DNAH10: variants seen among roughly 807,000 people sequenced by gnomAD.
DNAH10 encodes dynein axonemal heavy chain 10, also known as axonemal beta dynein heavy chain 10.
In DNAH10, 348 loss-of-function variants were observed where a neutral mutation model predicts 506.6. The observed-to-expected ratio is 0.69, with a 90% CI of 0.63 to 0.75. The LOEUF (loss-of-function observed/expected upper bound fraction) is 0.75, where lower values mean the gene tolerates loss of function less well. Ranked by LOEUF, DNAH10 falls within the 30% of genes least tolerant of loss-of-function variation. The pLI, the probability that DNAH10 is intolerant of heterozygous loss-of-function variation, is 0.00. For synonymous variants in DNAH10, 2,059 were observed against 2,198.6 expected (o/e 0.94, Z 1.78); for missense variants, 5,179 against 5,787.1 (o/e 0.89, Z 3.41).
chr12:123,810,087 A>G (rs1958873440), intron 19 of DNAH10, among the ~76,000 whole-genome samples: 1 of 152,214 alleles, frequency 6.6e-6, no homozygotes. Flanking sequence ...CCATGGGAAT[A>G]CAGACCTTGA....
rs1162489487 is a variant in DNAH10 at position 123,928,335 on chromosome 12, G to A, written c.12106-52G>A. The A allele has an allele frequency of 2.3e-5, 36 of 1,541,082 alleles. No homozygotes were observed. The highest frequency in any genetic ancestry group is 4.9e-5 in the East Asian group (2 of 41,002). ...TGTGGAGTGGGTCTCTGGAGAGCAC[G>A]GGGTTGGGTTTGGATGCCAACCCCT... On this transcript the variant is annotated intron_variant, in intron 69 of 78. Transcript: ENST00000673944. This position sits in a 1 kb window ranked among gnomAD's most constrained non-coding sequence, Gnocchi z 4.9.
chr12:123,862,842 C>G (rs1459870267), intron 39 of DNAH10, among the ~76,000 whole-genome samples: 2 of 152,028 alleles, frequency 1.3e-5, no homozygotes, highest in Non-Finnish European at 2.9e-5. Flanking sequence ...AGAGAAGGTG[C>G]TTATTCTTAG....
At chr12:123,882,381 C>T (rs1952545886) in intron 51 of DNAH10, 1 of 152,250 alleles carries the variant, frequency 6.6e-6, no homozygotes, top group Admixed American at 6.5e-5. Context: ...TATTTTTAAA[C>T]AGCTTTACTG....
At chr12:123,871,044 G>A (rs1315615968) in intron 44 of DNAH10, among the ~76,000 whole-genome samples, 1 of 152,076 alleles carries the variant, frequency 6.6e-6, no homozygotes, top group Non-Finnish European at 1.5e-5. Context: ...CTGTTTTCTC[G>A]GGAGCCCATC....
chr12:123,789,786 G>A (rs1333101439), intron 10 of DNAH10, 141 bp from the exon 11 acceptor site: 4 of 755,246 alleles, frequency 5.3e-6, no homozygotes, highest in East Asian at 5.4e-5. Flanking sequence ...GCATCGTACC[G>A]AAGGGCTTAG....
chr12:123,887,757 T>C (rs1490355882), intron 52 of DNAH10, among the ~76,000 whole-genome samples: 1 of 151,918 alleles, frequency 6.6e-6, no homozygotes, highest in Non-Finnish European at 1.5e-5. Flanking sequence ...TTTTCTTTTT[T>C]TTTTTTAGAT....
Position 123,771,634 on chromosome 12 carries a change from G to A in DNAH10, c.332G>A (p.Gly111Asp). 1 of 1,613,668 alleles carries A rather than the reference G, an allele frequency of 6.2e-7. No individual in the cohort carries two copies. The highest frequency in any genetic ancestry group is 8.5e-7 in the Non-Finnish European group (1 of 1,179,788). The change falls in exon 3 of 79, where the codon GGC (glycine) becomes GAC (aspartate). Residue 111 changes from glycine to aspartate, a missense_variant. Around this residue, in one of 3 missense-constraint regions of DNAH10, gnomAD observed 326 missense variants for 330.8 expected, o/e 0.99. Coordinates refer to ENST00000673944, the MANE Select transcript of DNAH10 (RefSeq NM_001372106.1). ...GTGTCACTGAGAACCGAATCTCTAG[G>A]CCAACCTCTAAACAGAGAGGATGAA... ...KRVSLRTESL[G>D]QPLNREDEEM...
Position 123,833,329 on chromosome 12 carries a change from A to T in DNAH10, c.4761A>T (p.Leu1587=), listed in dbSNP as rs373686379. 4 of 1,611,866 alleles carry T rather than the reference A, an allele frequency of 2.5e-6. No individual in the cohort carries two copies. Among genetic ancestry groups the T allele is most frequent in the Non-Finnish European group, 3.4e-6 (4 of 1,178,992 alleles). Residue 1587 remains leucine, a synonymous_variant, in exon 27 of 79, where the codon CTA becomes CTT. Transcript: ENST00000673944. ...TVHKWEKTLS[L]IGEVIEIWML... ...ACAAATGGGAAAAAACGCTTTCTCT[A>T]ATAGGGGAAGTCATTGAGGTGAGAG...
At position 123,873,606 on chromosome 12, in the gene DNAH10, CA is replaced by C. The variant is rs1220610101; in HGVS notation, c.7837del (p.Arg2613GlufsTer3). 1.9e-6 allele frequency: 3 copies of C among 1,613,746 alleles called. No homozygotes were observed. Among genetic ancestry groups the C allele is most frequent in the Non-Finnish European group, 2.5e-6 (3 of 1,179,862 alleles). ...CTCCCGCACCACGTCCATGGATATC[CA>C]AAGAAATTTAGAAGCAAATGTGGAA... ...FSSRTTSMDIQRNLEANVEKR... is the reference protein window; with the variant it reads ...FSSRTTSMDIXRNLEANVEKR... On this transcript the variant is annotated frameshift_variant, in exon 46 of 79. Transcript: ENST00000673944. LOFTEE classifies it high-confidence loss of function.
At chr12:123,886,494 C>A (rs973906272) in intron 51 of DNAH10, among the ~76,000 whole-genome samples, 1 of 150,924 alleles carries the variant, frequency 6.6e-6, no homozygotes, top group Non-Finnish European at 1.5e-5. Flanking sequence ...TGTGTGCACA[C>A]GTGTGTGTGT....
intron 62 of DNAH10, among the ~76,000 whole-genome samples, chr12:123,915,786 G>A (rs1954451413): frequency 6.6e-6 from 1 of 152,176 alleles, no homozygotes. Context: ...GGACAGTTGG[G>A]TTGTCCTACT....
intron 35 of DNAH10, among the ~76,000 whole-genome samples, chr12:123,852,337 A>G (rs1297868335): frequency 1.3e-5 from 2 of 152,232 alleles, no homozygotes; most frequent in Non-Finnish European, 2.9e-5. Context: ...AAGCTCTGGA[A>G]AAGTTACAAA....
intron 29 of DNAH10, among the ~76,000 whole-genome samples, chr12:123,839,074 A>G (rs1388466769): frequency 6.6e-6 from 1 of 152,204 alleles, no homozygotes; most frequent in Non-Finnish European, 1.5e-5. Context: ...TCGGCCTCCC[A>G]AAGTGGGATT....
At chr12:123,782,026 T>G (rs902390647) in intron 6 of DNAH10, among the ~76,000 whole-genome samples, 1 of 152,174 alleles carries the variant, frequency 6.6e-6, no homozygotes, top group African/African-American at 2.4e-5. Context: ...CACTATTTGT[T>G]TTCTCTTGCT....
At chr12:123,793,872 A>G (rs975744768) in intron 11 of DNAH10, 70 bp from the exon 12 acceptor site, 17 of 1,077,814 alleles carry the variant, frequency 1.6e-5, no homozygotes, top group Non-Finnish European at 1.9e-5. Flanking sequence ...TTTTTTTCTT[A>G]TTTCTTGCCA....
intron 41 of DNAH10, among the ~76,000 whole-genome samples, chr12:123,866,736 T>G (rs936063244): frequency 3.9e-5 from 6 of 152,228 alleles, no homozygotes; most frequent in Admixed American, 6.5e-5. Flanking sequence ...GCCAGAAATT[T>G]GTATACAAAT....
At chr12:123,805,100 T>C (rs989187462) in intron 18 of DNAH10, 60 bp downstream of exon 18, 70 of 1,546,894 alleles carry the variant, frequency 4.5e-5, no homozygotes, top group Admixed American at 7.3e-5. Flanking sequence ...AGTTGACAAA[T>C]ATGGACAGTT....
intron 52 of DNAH10, among the ~76,000 whole-genome samples, chr12:123,887,618 C>T (rs951610176): frequency 2.0e-5 from 3 of 152,152 alleles, no homozygotes; most frequent in African/African-American, 4.8e-5. Flanking sequence ...CATACATTCC[C>T]GTCTCCACAA....
chr12:123,916,788 C>T lies in DNAH10; in HGVS notation c.11002+52C>T, dbSNP rs573221474. The T allele has an allele frequency of 4.5e-5, 70 of 1,541,160 alleles. No individual in the cohort carries two copies. The highest frequency in any genetic ancestry group is 1.7e-4 in the Middle Eastern group (1 of 5,766). On this transcript the variant is annotated intron_variant, in intron 63 of 78. Coordinates refer to ENST00000673944, the MANE Select transcript of DNAH10 (RefSeq NM_001372106.1). The surrounding 1 kb of genome is among the most constrained non-coding windows in gnomAD (Gnocchi z 4.6). ...TAATTCAGATGGTTATGAGGGAGAC[C>T]GCAACCTCAGATCAAGGCATTCATG...
Sources: gnomAD v4.1 joint callset for allele counts (sites outside exome capture counted in the v4.1 genomes callset) on GRCh38, gnomAD v4.1.1 for gene constraint, gnomAD v4.1.1 regional missense constraint, Gnocchi (gnomAD v3.1) non-coding constraint, MANE v1.5 for transcripts, NCBI Gene and HGNC (gene_info 2026-07-23, HGNC 2026-07-21) for gene names.